The following NEBL variants were observed in gnomAD, a reference collection of about 807,000 sequenced individuals.
NEBL encodes nebulette.
In NEBL, 122 loss-of-function variants were observed where a neutral mutation model predicts 140.2. The observed-to-expected ratio is 0.87, with a 90% confidence interval of 0.75 to 1.01. NEBL has a LOEUF of 1.01. NEBL is among the 50% of genes least tolerant of loss of function. NEBL has a pLI of 0.00. For synonymous variants in NEBL, 436 were observed against 398.9 expected (o/e 1.09, Z -1.11); for missense variants, 1,365 against 1,231.3 (o/e 1.11, Z -1.62).
chr10:20,795,418 T>A (rs911202425), intron 26 of NEBL, among the ~76,000 whole-genome samples: 3 of 152,126 alleles, frequency 2.0e-5, no homozygotes, highest in Non-Finnish European at 4.4e-5. Flanking sequence ...TGGAAGAAAT[T>A]GTAGAGGCAG....
chr10:21,076,702 T>G (rs1032337917), intron 2 of NEBL, among the ~76,000 whole-genome samples: 1 of 152,152 alleles, frequency 6.6e-6, no homozygotes, highest in African/African-American at 2.4e-5. Flanking sequence ...GAAATTCTGA[T>G]GCATACTACA....
chr10:21,253,586 G>A (rs929877863), intron 1 of NEBL, among the ~76,000 whole-genome samples: 2 of 138,406 alleles, frequency 1.4e-5, no homozygotes, highest in Non-Finnish European at 1.5e-5. Context: ...TCTTGTTGCC[G>A]AGGCTGGAGT....
chr10:20,936,215 T>G (rs1027363611), intron 4 of NEBL, among the ~76,000 whole-genome samples: 1 of 152,210 alleles, frequency 6.6e-6, no homozygotes, highest in Non-Finnish European at 1.5e-5. Flanking sequence ...TTAATTCTCA[T>G]AAAAACTCTG....
At chr10:20,819,247 C>G (rs1449422630) in intron 20 of NEBL, 177 bp downstream of exon 20, 28 of 1,108,168 alleles carry the variant, frequency 2.5e-5, no homozygotes, top group Non-Finnish European at 3.4e-5. Flanking sequence ...GCTCCGGTGT[C>G]TGTTATTCCC....
rs138319608 is a variant in NEBL at position 20,831,203 on chromosome 10, T to C, written c.1664A>G (p.Tyr555Cys). 16 of 1,610,392 alleles carry C rather than the reference T, an allele frequency of 9.9e-6. No individual in the cohort carries two copies. Among genetic ancestry groups the C allele is most frequent in the Non-Finnish European group, 1.4e-5 (16 of 1,176,886 alleles). The change falls in exon 16 of 28, where the codon TAT becomes TGT. Residue 555 changes from tyrosine (Y) to cysteine (C), a missense_variant. Transcript: ENST00000377122. Reference sequence around the variant, plus strand: ...TCTTCATTCATGACCAACCTGGCTATAGATTTCAGATGTCCTCTTGGCTCG... The same window carrying C: ...TCTTCATTCATGACCAACCTGGCTACAGATTTCAGATGTCCTCTTGGCTCG... ...ILRAKRTSEI[Y>C]SQRKYKDEAE...
At chr10:21,140,531 T>G (rs1005808801) in intron 2 of NEBL, among the ~76,000 whole-genome samples, 7 of 152,218 alleles carry the variant, frequency 4.6e-5, no homozygotes, top group African/African-American at 1.7e-4. Flanking sequence ...GAATATAGTC[T>G]GTCCAGCCTG....
Position 21,147,462 on chromosome 10 carries a change from C to T in NEBL, c.164+24921G>A, listed in dbSNP as rs1054236425. Among the ~76,000 whole-genome samples, 7 of 148,396 alleles carry T rather than the reference C, an allele frequency of 4.7e-5. 1 individual carries two copies. The highest frequency in any genetic ancestry group is 1.8e-4 in the African/African-American group (7 of 39,726). Reference sequence around the variant, plus strand: ...AGCCTCCCTTCACTGGCTTTCCCTTCTCACTTCCCACTCAGTCCTCAACCC... The same window carrying T: ...AGCCTCCCTTCACTGGCTTTCCCTTTTCACTTCCCACTCAGTCCTCAACCC... On this transcript the variant is annotated intron_variant, in intron 2 of 6. Coordinates refer to the NEBL transcript ENST00000417816.
intron 4 of NEBL, among the ~76,000 whole-genome samples, chr10:20,928,644 G>T (rs753046297): frequency 1.3e-5 from 2 of 152,158 alleles, no homozygotes; most frequent in Non-Finnish European, 2.9e-5. Context: ...TGATCCAATG[G>T]AAGGAAATAT....
intron 5 of NEBL, among the ~76,000 whole-genome samples, chr10:20,876,785 T>C (rs1845541732): frequency 6.6e-6 from 1 of 152,180 alleles, no homozygotes; most frequent in South Asian, 2.1e-4. Context: ...ATGTCTCTCA[T>C]AAGACTGATG....
intron 3 of NEBL, among the ~76,000 whole-genome samples, chr10:20,981,540 C>T (rs1308429952): frequency 2.0e-5 from 3 of 152,214 alleles, no homozygotes; most frequent in Admixed American, 6.5e-5. Context: ...TAACAGCACC[C>T]TGACTTGCTT....
chr10:21,246,011 T>A (rs984440838), intron 3 of NEBL, among the ~76,000 whole-genome samples: 2 of 152,188 alleles, frequency 1.3e-5, no homozygotes, highest in African/African-American at 4.8e-5. Flanking sequence ...TACTTTTTTA[T>A]ATACTTTTTT....
chr10:21,291,821 G>T (rs546617331), intron 1 of NEBL, among the ~76,000 whole-genome samples: 1 of 151,980 alleles, frequency 6.6e-6, no homozygotes, highest in Non-Finnish European at 1.5e-5. Flanking sequence ...CAGGAGAATC[G>T]CCTGAACCCG....
chr10:21,278,342 G>A (rs1419682700), intron 1 of NEBL, among the ~76,000 whole-genome samples: 1 of 152,172 alleles, frequency 6.6e-6, no homozygotes, highest in Admixed American at 6.5e-5. Flanking sequence ...TACTCAGGAG[G>A]CTGAGGCAGG....
At chr10:21,085,064 G>T (rs1836562054) in intron 2 of NEBL, among the ~76,000 whole-genome samples, 1 of 152,152 alleles carries the variant, frequency 6.6e-6, no homozygotes, top group African/African-American at 2.4e-5. Flanking sequence ...TGCCTGAATA[G>T]CTTCTTCCCA....
chr10:21,038,854 C>T (rs1035326320), intron 2 of NEBL, among the ~76,000 whole-genome samples: 4 of 152,130 alleles, frequency 2.6e-5, no homozygotes, highest in African/African-American at 4.8e-5. Context: ...CCTATTTCTC[C>T]GCATCCTCAC....
At chr10:20,886,350 C>T (rs1268418265) in intron 4 of NEBL, among the ~76,000 whole-genome samples, 3 of 151,804 alleles carry the variant, frequency 2.0e-5, no homozygotes, top group Non-Finnish European at 2.9e-5. Flanking sequence ...TGGCGAGACC[C>T]CGTCTCTACT....
At chr10:20,812,506 C>G (rs2130785442) in intron 24 of NEBL, among the ~76,000 whole-genome samples, 1 of 146,170 alleles carries the variant, frequency 6.8e-6, no homozygotes, top group Non-Finnish European at 1.5e-5. Flanking sequence ...GTGTGTGATA[C>G]AAGGAGGAAC....
rs888317199 is a variant in NEBL at position 21,196,527 on chromosome 10, T to C, written n.349-24050A>G. On this transcript the variant is annotated intron_variant and non_coding_transcript_variant, in intron 3 of 8. Coordinates refer to the NEBL transcript ENST00000675702. ...ACCCGGCTAATTTTTGTATTTTTAA[T>C]AGGGACGGGGTTTCACAATGTTGGC... Among the ~76,000 whole-genome samples, 48 of 151,768 alleles carry C rather than the reference T, an allele frequency of 3.2e-4. 1 individual carries two copies. The highest frequency in any genetic ancestry group is 1.1e-3 in the African/African-American group (45 of 41,372).
intron 2 of NEBL, among the ~76,000 whole-genome samples, chr10:21,248,806 T>A (rs1842551284): frequency 1.3e-5 from 2 of 152,042 alleles, no homozygotes; most frequent in South Asian, 4.1e-4. Flanking sequence ...GGTTCCAATT[T>A]CTCCACCTTG....
Sources: gnomAD v4.1 joint callset for allele counts (sites outside exome capture counted in the v4.1 genomes callset) on GRCh38, gnomAD v4.1.1 for gene constraint, MANE v1.5 for transcripts, NCBI Gene and HGNC (gene_info 2026-07-23, HGNC 2026-07-21) for gene names.